Variants in ATP8B1 observed in about 807,000 individuals in gnomAD.
ATP8B1 encodes ATPase phospholipid transporting 8B1.
In ATP8B1, 80 loss-of-function variants were observed where a neutral mutation model predicts 149.9. That is an observed-to-expected ratio of 0.53 (90% CI 0.45 to 0.64). The LOEUF is 0.64. ATP8B1 is among the 30% of genes least tolerant of loss of function. The pLI, the probability that ATP8B1 is intolerant of heterozygous loss-of-function variation, is 0.00. For synonymous variants in ATP8B1, 536 were observed against 562.8 expected, an observed-to-expected ratio of 0.95 and a Z score of 0.67; for missense variants, 1,247 against 1,552.6, an observed-to-expected ratio of 0.80 and a Z score of 3.31.
intron 1 of ATP8B1, among the ~76,000 whole-genome samples, chr18:57,759,059 G>A (rs2123313768): frequency 6.6e-6 from 1 of 151,062 alleles, no homozygotes; most frequent in East Asian, 1.9e-4. Flanking sequence ...GGGAGGCTGA[G>A]GCAGGAGAAT....
chr18:57,710,380 G>A (rs914409115), intron 2 of ATP8B1, among the ~76,000 whole-genome samples: 2 of 152,060 alleles, frequency 1.3e-5, no homozygotes, highest in Admixed American at 6.6e-5. Flanking sequence ...ATATGGCTAC[G>A]TGCTCTCCAG....
At chr18:57,701,690 CT>C (rs76750207) in intron 4 of ATP8B1, among the ~76,000 whole-genome samples, 7 of 150,346 alleles carry the variant, frequency 4.7e-5, no homozygotes, top group Non-Finnish European at 1.0e-4. Context: ...CTCGTCTTAA[CT>C]TTTTTTTTCT....
At chr18:57,654,922 G>C (rs1204581319) in intron 23 of ATP8B1, among the ~76,000 whole-genome samples, 1 of 150,140 alleles carries the variant, frequency 6.7e-6, no homozygotes, top group African/African-American at 2.5e-5. Flanking sequence ...CCCGACTTCA[G>C]GCGATCCACC....
rs201543325 is a variant in ATP8B1, at chr18:57,649,225, G to A, written c.3532-513C>T. Among the ~76,000 whole-genome samples, 170 of 35,122 alleles carry A rather than the reference G, an allele frequency of 4.8e-3. 1 individual carries two copies. The highest frequency in any genetic ancestry group is 7.9e-3 in the South Asian group (9 of 1,134). The allele number at this position is 35,122 out of a possible 152,430, so 23.0% of individuals were successfully genotyped here. A position where few individuals can be genotyped will look rare whatever the true frequency, so the allele number is the denominator to read the frequency against. On this transcript the variant is annotated intron_variant, in intron 27 of 27. Transcript: ENST00000648908. ...ATCTATCTATCTATCTATCTATATC[G>A]ACATATATATATGATGATATAAATC...
rs371084026 is a variant in ATP8B1 at position 57,775,405 on chromosome 18, G to A, written c.-26+27593C>T. Among the ~76,000 whole-genome samples the A allele has an allele frequency of 2.5e-4, 38 of 151,464 alleles. 1 individual carries two copies. The South Asian group carries it at 6.9e-3, about 28-fold the overall frequency. On this transcript the variant is annotated intron_variant, in intron 1 of 27. Transcript: ENST00000648908. ...GGAGGGAAGGAGGAAGGAGAGGGGCGGAATGGAGGGAAAAGGAGAAGGAAA... is the reference window on the plus strand; with the variant it reads ...GGAGGGAAGGAGGAAGGAGAGGGGCAGAATGGAGGGAAAAGGAGAAGGAAA...
chr18:57,668,196 A>G, intron 19 of ATP8B1: 1 of 1,438,334 alleles, frequency 7.0e-7, no homozygotes, highest in Non-Finnish European at 9.2e-7. Context: ...AATCAGCAAG[A>G]CATGGCCAGG....
Position 57,672,932 on chromosome 18 carries a change from A to ATAT in ATP8B1, c.1820-1353_1820-1352insATA, listed in dbSNP as rs1491183286. ...TATATATATATATATATATATATAT[A>ATAT]ACATGTATATACACATATATACATA... On this transcript the variant is annotated intron_variant, in intron 16 of 27. Coordinates refer to ENST00000648908, the MANE Select transcript of ATP8B1 (RefSeq NM_001374385.1). 2.8e-4 allele frequency among the ~76,000 whole-genome samples: 9 copies of ATAT among 32,098 alleles called. 1 individual carries two copies. Among genetic ancestry groups the ATAT allele is most frequent in the African/African-American group, 8.8e-4 (9 of 10,192 alleles). The allele number at this position is 32,098 out of a possible 152,430, so 21.1% of individuals were successfully genotyped here.
chr18:57,716,645 A>G (rs988247246), intron 2 of ATP8B1, among the ~76,000 whole-genome samples: 1 of 152,204 alleles, frequency 6.6e-6, no homozygotes, highest in African/African-American at 2.4e-5. Context: ...AGTTTTAAAT[A>G]TTTATCCACC....
At position 57,691,951 on chromosome 18, in the gene ATP8B1, T is replaced by C; in HGVS notation, c.1076A>G (p.His359Arg). 1 of 1,614,122 alleles carries C rather than the reference T, an allele frequency of 6.2e-7. No individual in the cohort carries two copies. Residue 359 changes from histidine to arginine, a missense_variant, in exon 12 of 28, where the codon CAT becomes CGT. Physicochemically the swap from His to Arg is conservative, Grantham distance 29. Transcript: ENST00000648908. ...ILLSAGLAIG[H>R]AYWEAQVGNS... is the part of the protein sequence containing the mutation. ...GCCCACCTGTGCTTCCCAATAAGCA[T>C]GGCCGATGGCAAGACCAGCAGAAAG...
intron 22 of ATP8B1, 59 bp from the exon 23 acceptor site, chr18:57,655,476 A>G (rs763082879): frequency 1.6e-4 from 241 of 1,485,554 alleles, no homozygotes; most frequent in Non-Finnish European, 2.2e-4. Flanking sequence ...GCAAAACATC[A>G]GTTGATAAAA....
chr18:57,788,715 G>A, intron 1 of ATP8B1, among the ~76,000 whole-genome samples: 1 of 152,076 alleles, frequency 6.6e-6, no homozygotes, highest in East Asian at 1.9e-4. Flanking sequence ...GATAATTCCT[G>A]TCTTGCCAAC....
At chr18:57,797,904 A>T (rs1030049132) in intron 1 of ATP8B1, among the ~76,000 whole-genome samples, 2 of 151,774 alleles carry the variant, frequency 1.3e-5, no homozygotes, top group Non-Finnish European at 2.9e-5. Context: ...ATGAGGTTTC[A>T]CTATGTGGGC....
At position 57,793,582 on chromosome 18, in the gene ATP8B1, C is replaced by T. The variant is rs76216547; in HGVS notation, c.-26+9416G>A. ...CCTGCAAGACCTGGCTCCCCTTCCT[C>T]TCTGCCCTTACCTCCTTCTTCTCCT... On this transcript the variant is annotated intron_variant, in intron 1 of 27. Coordinates refer to ENST00000648908, the MANE Select transcript of ATP8B1 (RefSeq NM_001374385.1). Among the ~76,000 whole-genome samples, 945 of 152,236 alleles carry T rather than the reference C, an allele frequency of 6.2e-3. 13 individuals carry two copies. The highest frequency in any genetic ancestry group is 0.021 in the African/African-American group (873 of 41,536).
At chr18:57,744,322 A>AAG (rs1555652559) in intron 1 of ATP8B1, among the ~76,000 whole-genome samples, 13 of 151,024 alleles carry the variant, frequency 8.6e-5, no homozygotes, top group South Asian at 2.1e-4. Flanking sequence ...AAAAAAAAAA[A>AAG]AAAGAAAGAA....
At chr18:57,677,526 A>G (rs1911670634) in intron 15 of ATP8B1, among the ~76,000 whole-genome samples, 1 of 146,166 alleles carries the variant, frequency 6.8e-6, no homozygotes, top group Non-Finnish European at 1.5e-5. Context: ...GCTCTGGGGT[A>G]ACGGTGGCAG....
intron 1 of ATP8B1, among the ~76,000 whole-genome samples, chr18:57,742,838 A>C (rs1030303205): frequency 2.8e-4 from 43 of 152,052 alleles, no homozygotes; most frequent in African/African-American, 5.5e-4. Context: ...AAAAAAAAAA[A>C]AACAAAACAG....
intron 19 of ATP8B1, chr18:57,668,178 C>T: frequency 1.4e-6 from 2 of 1,418,382 alleles, no homozygotes; most frequent in Non-Finnish European, 9.3e-7. Context: ...AGAGATAAGA[C>T]CAATTATAAT....
chr18:57,705,799 C>T (rs1913360395), intron 3 of ATP8B1, among the ~76,000 whole-genome samples: 1 of 152,190 alleles, frequency 6.6e-6, no homozygotes, highest in African/African-American at 2.4e-5. Flanking sequence ...TGGTACTCTG[C>T]TATGGAAGCC....
rs1302580339 is a variant in ATP8B1 at position 57,802,111 on chromosome 18, T to A, written c.-26+887A>T. Reference sequence around the variant, plus strand: ...CAGGGACCACAGGCACACGCCTCCGTCGGAAAAGTTGGGCAGACACTTCAG... The same window carrying A: ...CAGGGACCACAGGCACACGCCTCCGACGGAAAAGTTGGGCAGACACTTCAG... On this transcript the variant is annotated intron_variant, in intron 1 of 27. Coordinates refer to ENST00000648908, the MANE Select transcript of ATP8B1 (RefSeq NM_001374385.1). The surrounding 1 kb of genome is among the most constrained non-coding windows in gnomAD (Gnocchi z 4.9). 2 of 136,780 alleles carry A rather than the reference T, an allele frequency of 1.5e-5. No homozygotes were observed. The highest frequency in any genetic ancestry group is 7.6e-5 in the Admixed American group (1 of 13,184). The allele number at this position is 136,780 out of a possible 1,614,324, so 8.5% of individuals were successfully genotyped here. A position where few individuals can be genotyped will look rare whatever the true frequency, so the allele number is the denominator to read the frequency against.
Sources: allele counts gnomAD v4.1 joint callset (sites outside exome capture counted in the v4.1 genomes callset), GRCh38; gene constraint gnomAD v4.1.1; non-coding constraint Gnocchi (gnomAD v3.1); transcripts MANE v1.5; gene names NCBI Gene and HGNC (gene_info 2026-07-23, HGNC 2026-07-21).